Variants in MINDY2 observed in about 807,000 individuals in gnomAD.
MINDY2 encodes the protein ubiquitin carboxyl-terminal hydrolase MINDY-2.
Under a neutral mutation model 68.2 loss-of-function variants are expected in MINDY2, and 52 were observed. The observed-to-expected ratio is 0.76, with a 90% CI of 0.61 to 0.96. MINDY2 has a LOEUF of 0.96. Among genes scored for constraint, MINDY2 ranks in the 40% least tolerant of loss-of-function variants. The pLI, the probability that MINDY2 is intolerant of heterozygous loss-of-function variation, is 0.00. For missense variants in MINDY2, 881 were observed against 773.4 expected (o/e 1.14, Z -1.65); for synonymous variants, 372 against 303.0 (o/e 1.23, Z -2.36).
At chr15:58,817,184 A>G (rs1278194823) in intron 4 of MINDY2, among the ~76,000 whole-genome samples, 1 of 152,220 alleles carries the variant, frequency 6.6e-6, no homozygotes, top group African/African-American at 2.4e-5. Flanking sequence ...AGCAAGCCAC[A>G]GAGTAGAAGA....
At chr15:58,836,132 A>G in intron 6 of MINDY2, among the ~76,000 whole-genome samples, 1 of 151,978 alleles carries the variant, frequency 6.6e-6, no homozygotes, top group Non-Finnish European at 1.5e-5. Context: ...GGATGGTCTC[A>G]ATCTCCTGAT....
At chr15:58,800,041 A>G (rs1189516378) in intron 2 of MINDY2, among the ~76,000 whole-genome samples, 6 of 152,234 alleles carry the variant, frequency 3.9e-5, no homozygotes, top group African/African-American at 9.6e-5. Flanking sequence ...TTGAATATAA[A>G]TACGCTATAA....
intron 1 of MINDY2, among the ~76,000 whole-genome samples, chr15:58,776,335 C>T (rs1012406503): frequency 3.3e-5 from 5 of 152,044 alleles, no homozygotes; most frequent in Non-Finnish European, 7.4e-5. Context: ...CCTCCCCTAC[C>T]TCATTCTCCA....
chr15:58,855,667 T>C lies in MINDY2; in HGVS notation c.*1057T>C, dbSNP rs547614371. ...CGGGCGCAGTGGCTCACGCCTGTAA[T>C]CCCAACATTTTGGGAGGCCAAGGTG... On this transcript the variant is annotated 3_prime_UTR_variant, in exon 9 of 9. Transcript: ENST00000559228. 91 of 152,610 alleles carry C rather than the reference T, an allele frequency of 6.0e-4. No homozygotes were observed. Among genetic ancestry groups the C allele is most frequent in the African/African-American group, 2.2e-3 (90 of 41,584 alleles). 9.5% of individuals were successfully genotyped at this position (152,610 alleles called of 1,614,324 possible).
At chr15:58,845,819 A>G (rs2032501430) in intron 6 of MINDY2, among the ~76,000 whole-genome samples, 1 of 152,202 alleles carries the variant, frequency 6.6e-6, no homozygotes, top group African/African-American at 2.4e-5. Flanking sequence ...AGACAAGTGG[A>G]TAAAGAAAAT....
chr15:58,813,869 A>C (rs116777606), intron 4 of MINDY2, among the ~76,000 whole-genome samples: 1,833 of 150,540 alleles, frequency 0.012, 42 homozygotes, highest in African/African-American at 0.043. Flanking sequence ...TAATGTTGTC[A>C]CTATTTTTTA....
intron 1 of MINDY2, among the ~76,000 whole-genome samples, chr15:58,786,235 A>G (rs1042098805): frequency 6.6e-5 from 10 of 152,224 alleles, no homozygotes; most frequent in South Asian, 4.1e-4. Flanking sequence ...ACCTTTTTCA[A>G]CATTTGGGGG....
chr15:58,797,363 C>T (rs1276858866), intron 2 of MINDY2, among the ~76,000 whole-genome samples: 1 of 151,926 alleles, frequency 6.6e-6, no homozygotes, highest in African/African-American at 2.4e-5. Context: ...AAAAAATTAG[C>T]CATGTGTGAT....
At chr15:58,772,600 G>A (rs1303071159) in intron 1 of MINDY2, among the ~76,000 whole-genome samples, 5 of 152,282 alleles carry the variant, frequency 3.3e-5, no homozygotes, top group African/African-American at 9.6e-5. Context: ...ATTGGAGAAA[G>A]TAATCTTCAG....
chr15:58,792,955 C>G (rs775950318), intron 2 of MINDY2, among the ~76,000 whole-genome samples: 1 of 151,362 alleles, frequency 6.6e-6, no homozygotes, highest in Admixed American at 6.6e-5. Context: ...TGAGCTATGA[C>G]CATACCACTG....
chr15:58,831,041 G>GTGTGTGTGTATATATATATATATATATA (rs565786025), intron 5 of MINDY2, among the ~76,000 whole-genome samples: 3 of 124,904 alleles, frequency 2.4e-5, no homozygotes, highest in African/African-American at 1.0e-4. Context: ...GTGTGTGTGT[G>GTGTGTGTGTATATATATATATATATATA]TATATATATA....
chr15:58,772,078 A>C lies in MINDY2; in HGVS notation c.683A>C (p.Gln228Pro), dbSNP rs1306947083. Reference sequence around the variant, plus strand: ...GAGGAGGAGGGGGAGGAGACCGCTCAGGTGCTGGCGGCCTCCAAGGAACGC... The same window carrying C: ...GAGGAGGAGGGGGAGGAGACCGCTCCGGTGCTGGCGGCCTCCAAGGAACGC... ...CKEEEGEETAQVLAASKERFP... is the reference protein window; with the variant it reads ...CKEEEGEETAPVLAASKERFP... Residue 228 changes from glutamine (Q) to proline (P), a missense_variant, in exon 1 of 9, where the codon CAG becomes CCG. By Grantham distance (76) the Gln-to-Pro change is moderately conservative (BLOSUM62 -1). Coordinates refer to ENST00000559228, the MANE Select transcript of MINDY2 (RefSeq NM_001040450.3). The C allele has an allele frequency of 1.9e-6, 3 of 1,613,038 alleles. No homozygotes were observed. The highest frequency in any genetic ancestry group is 2.2e-5 in the South Asian group (2 of 90,982).
At chr15:58,815,224 T>C (rs1472042438) in intron 4 of MINDY2, 1 of 152,230 alleles carries the variant, frequency 6.6e-6, no homozygotes, top group Admixed American at 6.5e-5. Context: ...TTGAATTGTC[T>C]TGAACTTAGC....
intron 1 of MINDY2, among the ~76,000 whole-genome samples, chr15:58,785,611 A>G (rs1379330167): frequency 5.3e-5 from 8 of 152,284 alleles, no homozygotes; most frequent in African/African-American, 1.9e-4. Context: ...AATATGCCAT[A>G]TATGGGAACT....
In MINDY2 at chr15:58,810,342, ATCT is replaced by A; in HGVS notation, c.1081_1083del (p.Leu361del). The A allele has an allele frequency of 2.5e-6, 4 of 1,612,770 alleles. No homozygotes were observed. Among genetic ancestry groups the A allele is most frequent in the Non-Finnish European group, 3.4e-6 (4 of 1,179,654 alleles). On this transcript the variant is annotated inframe_deletion, in exon 4 of 9. Transcript: ENST00000559228. ...TATACACCAGAATGCATAGTATTTGATCTTCTTGATATTCCTTTGTACCATGGG... is the reference window on the plus strand; with the variant it reads ...TATACACCAGAATGCATAGTATTTGATCTTGATATTCCTTTGTACCATGGG...
chr15:58,790,586 A>G (rs3985719), intron 2 of MINDY2, among the ~76,000 whole-genome samples: 33 of 56,774 alleles, frequency 5.8e-4, no homozygotes, highest in East Asian at 0.013. Flanking sequence ...AATAGACCTT[A>G]GTGGGGGGTA....
intron 4 of MINDY2, among the ~76,000 whole-genome samples, chr15:58,813,901 A>T (rs2030481051): frequency 6.6e-6 from 1 of 150,950 alleles, no homozygotes; most frequent in Non-Finnish European, 1.5e-5. Context: ...CTTAGGTAGC[A>T]ATATTTCATT....
At chr15:58,813,741 T>A (rs1238929233) in intron 4 of MINDY2, among the ~76,000 whole-genome samples, 1 of 141,950 alleles carries the variant, frequency 7.0e-6, no homozygotes, top group Non-Finnish European at 1.5e-5. Context: ...CCCCGTTAAC[T>A]TGTGTATTTT....
chr15:58,847,250 T>G (rs767087507), intron 6 of MINDY2, 47 bp from the exon 7 acceptor site: 4 of 1,429,654 alleles, frequency 2.8e-6, no homozygotes, highest in Non-Finnish European at 3.8e-6. Context: ...ATATTACTAG[T>G]TTTGATCAAT....
Sources: allele counts gnomAD v4.1 joint callset (sites outside exome capture counted in the v4.1 genomes callset), GRCh38; gene constraint gnomAD v4.1.1; transcripts MANE v1.5; gene names NCBI Gene and HGNC (gene_info 2026-07-23, HGNC 2026-07-21).